NRG1: variants seen among roughly 807,000 people sequenced by gnomAD.
NRG1 encodes pro-neuregulin-1, membrane-bound isoform.
A neutral mutation model predicts 63.8 loss-of-function variants in NRG1; 18 were observed. The ratio of observed to expected loss-of-function variants is 0.28; its 90% CI spans 0.19 to 0.42. NRG1 has a LOEUF of 0.42. Ranked by LOEUF, NRG1 falls within the 10% of genes least tolerant of loss-of-function variation. The pLI is 1.00. For synonymous variants in NRG1, 302 were observed against 301.3 expected, an observed-to-expected ratio of 1.00 and a Z score of -0.02; for missense variants, 762 against 814.7, an observed-to-expected ratio of 0.94 and a Z score of 0.79.
At chr8:32,763,871 T>C (rs1371580388) in exon 12 of NRG1, 1 of 1,614,052 alleles carries the variant, frequency 6.2e-7, no homozygotes, top group South Asian at 1.1e-5. Context: ...TGTCCATGCC[T>C]TCCATGGCGG....
chr8:31,816,937 A>G (rs986662982), intron 1 of NRG1, among the ~76,000 whole-genome samples: 4 of 152,236 alleles, frequency 2.6e-5, no homozygotes, highest in Admixed American at 2.6e-4. Context: ...TCCAAAAGGC[A>G]GAAGATAGGC....
rs190325116 is a variant in NRG1 at position 32,526,980 on chromosome 8, T to C, written c.38-68848T>C. ...CATGACTTCATAGTCCATGTATATA[T>C]TGATGACTCTTACATTTATATCTCC... On this transcript the variant is annotated intron_variant, in intron 1 of 10. Coordinates refer to the NRG1 transcript ENST00000519301. 3.1e-4 allele frequency among the ~76,000 whole-genome samples: 47 copies of C among 152,324 alleles called. No individual in the cohort carries two copies. The East Asian group carries it at 6.9e-3, about 22-fold the overall frequency.
intron 1 of NRG1, among the ~76,000 whole-genome samples, chr8:31,929,877 A>T (rs10095452): frequency 0.041 from 6,259 of 152,242 alleles, 458 homozygotes; most frequent in African/African-American, 0.14. Flanking sequence ...GTCTTGGAAG[A>T]TAGGCTTCTC....
chr8:32,016,954 C>T (rs1247454595), intron 1 of NRG1, among the ~76,000 whole-genome samples: 1 of 152,166 alleles, frequency 6.6e-6, no homozygotes, highest in African/African-American at 2.4e-5. Context: ...TTATATTTCT[C>T]TCCAAGATTT....
intron 1 of NRG1, among the ~76,000 whole-genome samples, chr8:32,516,319 T>G (rs562757015): frequency 9.8e-5 from 15 of 152,318 alleles, no homozygotes; most frequent in African/African-American, 3.4e-4. Context: ...CATGCTGTTT[T>G]TGTTACTGTA....
intron 1 of NRG1, among the ~76,000 whole-genome samples, chr8:32,176,984 T>A (rs889576422): frequency 3.7e-4 from 57 of 152,194 alleles, no homozygotes; most frequent in African/African-American, 1.3e-3. Flanking sequence ...CTGGGTATAT[T>A]CCCAAAGGAT....
intron 1 of NRG1, among the ~76,000 whole-genome samples, chr8:32,373,036 GAGT>G: frequency 6.6e-6 from 1 of 152,300 alleles, no homozygotes; most frequent in African/African-American, 2.4e-5. Flanking sequence ...TAATCTCCGT[GAGT>G]AGGTGACAAG....
intron 1 of NRG1, among the ~76,000 whole-genome samples, chr8:32,166,208 G>A (rs1212156321): frequency 6.6e-6 from 1 of 152,132 alleles, no homozygotes; most frequent in Non-Finnish European, 1.5e-5. Flanking sequence ...GAGAAGGGTA[G>A]AGAATGAGAG....
intron 1 of NRG1, among the ~76,000 whole-genome samples, chr8:32,575,495 A>G (rs2439301): frequency 0.74 from 111,549 of 151,528 alleles, 41,581 homozygotes; most frequent in East Asian, 0.9. Context: ...GAGATAGGGC[A>G]TGAGTAAAGG....
At chr8:31,818,281 G>A (rs957402305) in intron 1 of NRG1, among the ~76,000 whole-genome samples, 2 of 152,154 alleles carry the variant, frequency 1.3e-5, no homozygotes, top group South Asian at 2.1e-4. Context: ...CTGGGTTCAT[G>A]ATGGATTCAC....
chr8:31,744,485 C>T (rs947362739), intron 1 of NRG1, among the ~76,000 whole-genome samples: 1 of 151,970 alleles, frequency 6.6e-6, no homozygotes, highest in Non-Finnish European at 1.5e-5. Flanking sequence ...CAGAGCCCTA[C>T]CCTGCACCCA....
At chr8:32,549,359 G>C (rs1463096709) in intron 1 of NRG1, among the ~76,000 whole-genome samples, 1 of 152,216 alleles carries the variant, frequency 6.6e-6, no homozygotes, top group Middle Eastern at 3.2e-3. Context: ...TGGGGCACAG[G>C]GCAAGCGATG....
intron 1 of NRG1, among the ~76,000 whole-genome samples, chr8:31,968,831 G>C (rs926328040): frequency 6.6e-6 from 1 of 152,136 alleles, no homozygotes; most frequent in African/African-American, 2.4e-5. Flanking sequence ...CAATTGACAC[G>C]ATAAGAGAAG....
downstream of NRG1, among the ~76,000 whole-genome samples, chr8:32,769,601 C>T (rs1831653561): frequency 6.6e-6 from 1 of 152,300 alleles, no homozygotes; most frequent in East Asian, 1.9e-4. Context: ...ATATGAATCA[C>T]TTTGCACTCT....
intron 1 of NRG1, chr8:31,639,907 G>T: frequency 2.7e-6 from 3 of 1,094,056 alleles, no homozygotes; most frequent in Non-Finnish European, 3.3e-6. Context: ...TGCTGCGAGG[G>T]GAAGGAAAAG....
At chr8:32,542,318 G>C (rs1832654287) in intron 1 of NRG1, among the ~76,000 whole-genome samples, 1 of 152,138 alleles carries the variant, frequency 6.6e-6, no homozygotes, top group African/African-American at 2.4e-5. Context: ...TTTAACAGAA[G>C]TTATATCAAG....
intron 1 of NRG1, among the ~76,000 whole-genome samples, chr8:32,289,954 A>T (rs1853992427): frequency 6.6e-6 from 1 of 152,194 alleles, no homozygotes; most frequent in South Asian, 2.1e-4. Flanking sequence ...TATATAAAAT[A>T]TCAGGGCCAG....
intron 1 of NRG1, among the ~76,000 whole-genome samples, chr8:32,282,554 C>A (rs535557578): frequency 6.6e-6 from 1 of 152,178 alleles, no homozygotes; most frequent in South Asian, 2.1e-4. Context: ...AGGTGGGAGG[C>A]AGGAGGGTAT....
At chr8:32,304,107 T>C (rs894626701) in intron 1 of NRG1, among the ~76,000 whole-genome samples, 5 of 152,254 alleles carry the variant, frequency 3.3e-5, no homozygotes, top group East Asian at 3.8e-4. Flanking sequence ...CATGAGTGTT[T>C]AATCTTCTGT....
Sources: allele counts gnomAD v4.1 joint callset (sites outside exome capture counted in the v4.1 genomes callset), GRCh38; gene constraint gnomAD v4.1.1; transcripts MANE v1.5; gene names NCBI Gene and HGNC (gene_info 2026-07-23, HGNC 2026-07-21).